NELL1: variants seen among roughly 807,000 people sequenced by gnomAD.
NELL1 encodes the protein protein kinase C-binding protein NELL1.
Under a neutral mutation model 107.4 loss-of-function variants are expected in NELL1, and 76 were observed. The ratio of observed to expected loss-of-function variants is 0.71; its 90% confidence interval spans 0.59 to 0.86. The LOEUF is 0.86. Among genes scored for constraint, NELL1 ranks in the 40% least tolerant of loss-of-function variants. NELL1 has a pLI of 0.00. For missense variants in NELL1, 1,024 were observed against 1,005.5 expected (o/e 1.02, Z -0.25); for synonymous variants, 353 against 341.2 (o/e 1.03, Z -0.38).
chr11:21,290,196 C>T (rs191993490), intron 14 of NELL1, among the ~76,000 whole-genome samples: 4,466 of 151,816 alleles, frequency 0.029, 229 homozygotes, highest in African/African-American at 0.1. Context: ...GGTGAAACCC[C>T]GTCTCTACTA....
chr11:21,413,761 A>G (rs994552120), intron 15 of NELL1, among the ~76,000 whole-genome samples: 1 of 152,048 alleles, frequency 6.6e-6, no homozygotes, highest in African/African-American at 2.4e-5. Context: ...ATGTAGAAAA[A>G]TATTTTTGAG....
intron 11 of NELL1, among the ~76,000 whole-genome samples, chr11:20,954,790 C>G (rs974770367): frequency 1.3e-5 from 2 of 152,180 alleles, no homozygotes; most frequent in African/African-American, 4.8e-5. Flanking sequence ...ACCGGCCCTT[C>G]ACTGTCCTTG....
chr11:21,097,366 C>A (rs973033424), intron 12 of NELL1, among the ~76,000 whole-genome samples: 1 of 152,202 alleles, frequency 6.6e-6, no homozygotes, highest in Admixed American at 6.6e-5. Context: ...GGGTGCCACT[C>A]GCATCAGTCA....
rs1244131182 is a variant in NELL1 at position 20,867,312 on chromosome 11, T to C, written c.507-18132T>C. ...TTTCTCATTAAAAAAAAGATGATGA[T>C]TGACTCTACGTCATGGGTTTAACTG... On this transcript the variant is annotated intron_variant, in intron 4 of 19. Transcript: ENST00000357134. 2.0e-5 allele frequency among the ~76,000 whole-genome samples: 3 copies of C among 152,120 alleles called. No individual in the cohort carries two copies. The East Asian group carries it at 5.8e-4, about 29-fold the overall frequency.
At chr11:20,682,675 A>G (rs1854217810) in intron 2 of NELL1, among the ~76,000 whole-genome samples, 1 of 152,050 alleles carries the variant, frequency 6.6e-6, no homozygotes, top group Admixed American at 6.6e-5. Context: ...CATCATCACA[A>G]TCAAGAAAAA....
At chr11:20,834,686 G>T (rs979410960) in intron 3 of NELL1, among the ~76,000 whole-genome samples, 1 of 148,024 alleles carries the variant, frequency 6.8e-6, no homozygotes, top group Middle Eastern at 3.3e-3. Flanking sequence ...CTGGGCAACA[G>T]AGAGACTCCG....
At chr11:21,111,625 A>G (rs934701623) in intron 12 of NELL1, among the ~76,000 whole-genome samples, 6 of 152,038 alleles carry the variant, frequency 3.9e-5, no homozygotes, top group Admixed American at 2.0e-4. Context: ...CTTTGCTTCC[A>G]TGGGTTACAA....
chr11:20,897,261 T>A (rs1849762139), intron 5 of NELL1, among the ~76,000 whole-genome samples: 1 of 152,084 alleles, frequency 6.6e-6, no homozygotes, highest in African/African-American at 2.4e-5. Flanking sequence ...TAATGCCACA[T>A]ATCTACAACT....
At chr11:20,684,620 C>T (rs951351246) in intron 2 of NELL1, among the ~76,000 whole-genome samples, 2 of 152,066 alleles carry the variant, frequency 1.3e-5, no homozygotes, top group Non-Finnish European at 2.9e-5. Context: ...TTGCATGCCT[C>T]TTAATTTTTG....
At chr11:20,765,772 T>C (rs1856516763) in intron 2 of NELL1, among the ~76,000 whole-genome samples, 1 of 152,098 alleles carries the variant, frequency 6.6e-6, no homozygotes, top group Non-Finnish European at 1.5e-5. Flanking sequence ...GTTTTGTTGG[T>C]CATATTAAGG....
intron 15 of NELL1, among the ~76,000 whole-genome samples, chr11:21,439,852 AT>A (rs76416725): frequency 0.041 from 6,300 of 152,020 alleles, 280 homozygotes; most frequent in East Asian, 0.17. Context: ...TTCTAGCACC[AT>A]TTTTTTCCAA....
intron 10 of NELL1, among the ~76,000 whole-genome samples, chr11:20,939,146 A>G (rs1262180297): frequency 3.9e-5 from 6 of 152,078 alleles, no homozygotes; most frequent in African/African-American, 1.5e-4. Flanking sequence ...CTATTTAAAA[A>G]ATGGAATTGA....
At chr11:20,717,707 A>G (rs1331601661) in intron 2 of NELL1, among the ~76,000 whole-genome samples, 2 of 152,178 alleles carry the variant, frequency 1.3e-5, no homozygotes, top group African/African-American at 4.8e-5. Context: ...CCATTTTGTT[A>G]TCAATCACTA....
intron 14 of NELL1, among the ~76,000 whole-genome samples, chr11:21,308,674 C>T (rs1350790130): frequency 6.6e-6 from 1 of 151,998 alleles, no homozygotes; most frequent in Non-Finnish European, 1.5e-5. Flanking sequence ...TCTCCCTCCT[C>T]CCCCAATTCA....
intron 4 of NELL1, among the ~76,000 whole-genome samples, chr11:20,878,210 A>G (rs1849341548): frequency 6.6e-6 from 1 of 151,854 alleles, no homozygotes; most frequent in Non-Finnish European, 1.5e-5. Flanking sequence ...AATACAAAAA[A>G]TTAGCTGGGC....
chr11:20,905,985 G>A (rs1048706890), intron 5 of NELL1, among the ~76,000 whole-genome samples: 1 of 152,090 alleles, frequency 6.6e-6, no homozygotes, highest in Non-Finnish European at 1.5e-5. Flanking sequence ...ACTGAGACAC[G>A]TTATGATAAA....
At chr11:21,059,170 CT>C (rs1232121327) in intron 12 of NELL1, among the ~76,000 whole-genome samples, 1 of 151,836 alleles carries the variant, frequency 6.6e-6, no homozygotes, top group East Asian at 1.9e-4. Context: ...TATGTTTCAC[CT>C]TTTTTATGGC....
At chr11:20,775,292 A>G (rs1856728394) in intron 2 of NELL1, among the ~76,000 whole-genome samples, 1 of 152,134 alleles carries the variant, frequency 6.6e-6, no homozygotes, top group East Asian at 1.9e-4. Context: ...TGTATGTACT[A>G]TTGTATACCT....
In NELL1 at chr11:20,960,393, C is replaced by T. The variant is rs748990263; in HGVS notation, c.1172-39C>T. The T allele has an allele frequency of 4.4e-6, 7 of 1,601,682 alleles. No homozygotes were observed. In the Admixed American group the frequency reaches 1.2e-4, roughly 27 times the overall value. Reference sequence around the variant, plus strand: ...TTTATTTTGGGGAGTTACTTTATTTCCTCCTTTTCTGATGTACGTTTTTAT... The same window carrying T: ...TTTATTTTGGGGAGTTACTTTATTTTCTCCTTTTCTGATGTACGTTTTTAT... On this transcript the variant is annotated intron_variant, in intron 11 of 19. Transcript: ENST00000357134.
Sources: gnomAD v4.1 joint callset for allele counts (sites outside exome capture counted in the v4.1 genomes callset) on GRCh38, gnomAD v4.1.1 for gene constraint, MANE v1.5 for transcripts, NCBI Gene and HGNC (gene_info 2026-07-23, HGNC 2026-07-21) for gene names.